NALF1: variants seen among roughly 807,000 people sequenced by gnomAD.
The protein encoded by NALF1 is family with sequence similarity 155 member A.
A neutral mutation model predicts 48.4 loss-of-function variants in NALF1; 3 were observed. The ratio of observed to expected loss-of-function variants is 0.06; its 90% CI spans 0.03 to 0.16. NALF1 has a LOEUF of 0.16. Ranked by LOEUF, NALF1 falls within the 10% of genes least tolerant of loss-of-function variation. The probability of loss-of-function intolerance (pLI) is 1.00; values close to 1 mark genes in which losing one functional copy is unlikely to be tolerated. For missense variants in NALF1, 526 were observed against 571.5 expected (o/e 0.92, Z 0.81); for synonymous variants, 262 against 245.7 (o/e 1.07, Z -0.62).
intron 1 of NALF1, among the ~76,000 whole-genome samples, chr13:107,656,479 A>T (rs1880579524): frequency 6.6e-6 from 1 of 152,188 alleles, no homozygotes; most frequent in Non-Finnish European, 1.5e-5. Flanking sequence ...CTTCTGCAAG[A>T]ATGGCCATAA....
At chr13:107,489,279 G>C (rs907888493) in intron 1 of NALF1, among the ~76,000 whole-genome samples, 5 of 152,128 alleles carry the variant, frequency 3.3e-5, no homozygotes, top group African/African-American at 1.2e-4. Context: ...AGAGAAAACT[G>C]TTTTAAAATT....
intron 1 of NALF1, among the ~76,000 whole-genome samples, chr13:107,795,815 T>C (rs1878405643): frequency 6.6e-6 from 1 of 152,188 alleles, no homozygotes; most frequent in Non-Finnish European, 1.5e-5. Flanking sequence ...AAGAAATTAT[T>C]CTTCTCTAGT....
intron 1 of NALF1, among the ~76,000 whole-genome samples, chr13:107,464,671 C>A (rs540122485): frequency 1.2e-4 from 18 of 152,236 alleles, no homozygotes; most frequent in African/African-American, 3.6e-4. Flanking sequence ...CAGGCATGAA[C>A]AGCTACGCCT....
intron 1 of NALF1, among the ~76,000 whole-genome samples, chr13:107,766,581 G>A (rs1242234705): frequency 6.6e-6 from 1 of 152,154 alleles, no homozygotes; most frequent in Non-Finnish European, 1.5e-5. Context: ...ACATATTTAA[G>A]CAGATGGGCT....
At chr13:107,295,187 G>T (rs1230144331) in intron 1 of NALF1, among the ~76,000 whole-genome samples, 1 of 152,032 alleles carries the variant, frequency 6.6e-6, no homozygotes, top group Non-Finnish European at 1.5e-5. Context: ...GCCCATCTTT[G>T]TGTCCAGGTG....
chr13:107,476,750 A>C (rs993971332), intron 1 of NALF1, among the ~76,000 whole-genome samples: 1 of 152,102 alleles, frequency 6.6e-6, no homozygotes, highest in Admixed American at 6.6e-5. Flanking sequence ...TTATATGGGA[A>C]TCCTTAATGG....
At chr13:107,237,249 G>A (rs1880371971) in intron 1 of NALF1, among the ~76,000 whole-genome samples, 2 of 151,966 alleles carry the variant, frequency 1.3e-5, no homozygotes, top group African/African-American at 4.8e-5. Context: ...GAGAAAGTAT[G>A]AAGAAAGTTA....
chr13:107,485,527 C>T (rs1885315987), intron 1 of NALF1, among the ~76,000 whole-genome samples: 1 of 152,170 alleles, frequency 6.6e-6, no homozygotes, highest in Non-Finnish European at 1.5e-5. Context: ...CCCCACATCT[C>T]ATTTACCATC....
intron 1 of NALF1, among the ~76,000 whole-genome samples, chr13:107,652,259 G>A (rs190955557): frequency 3.8e-4 from 58 of 152,168 alleles, no homozygotes; most frequent in African/African-American, 1.4e-3. Context: ...TGAGTTGTGT[G>A]CAATTACACT....
chr13:107,204,932 A>G (rs1033891240), intron 2 of NALF1, among the ~76,000 whole-genome samples: 2 of 152,154 alleles, frequency 1.3e-5, no homozygotes, highest in Non-Finnish European at 2.9e-5. Context: ...AAACGGCATA[A>G]ATGTTCAAAT....
At chr13:107,370,664 G>A (rs1432300396) in intron 1 of NALF1, among the ~76,000 whole-genome samples, 1 of 152,076 alleles carries the variant, frequency 6.6e-6, no homozygotes, top group Non-Finnish European at 1.5e-5. Context: ...AGGGTATACT[G>A]GAAAGCAAAA....
rs535695444 is a variant in NALF1 at position 107,437,283 on chromosome 13, A to G, written c.916-226528T>C. On this transcript the variant is annotated intron_variant, in intron 1 of 2. Coordinates refer to ENST00000375915, the MANE Select transcript of NALF1 (RefSeq NM_001080396.3). ...TGCAGGGGTACACTGACTATCCTGT[A>G]TTGTTGGTAGGGTAAAATAGTCCGA... 2.6e-5 allele frequency among the ~76,000 whole-genome samples: 4 copies of G among 152,314 alleles called. No homozygotes were observed. The South Asian group carries it at 6.2e-4, about 24-fold the overall frequency.
intron 1 of NALF1, among the ~76,000 whole-genome samples, chr13:107,463,279 T>C (rs1289386493): frequency 6.6e-6 from 1 of 152,334 alleles, no homozygotes; most frequent in East Asian, 1.9e-4. Context: ...GAATCACACA[T>C]AGATTAAAGA....
At chr13:107,646,941 C>T (rs1880329393) in intron 1 of NALF1, among the ~76,000 whole-genome samples, 1 of 151,904 alleles carries the variant, frequency 6.6e-6, no homozygotes, top group Non-Finnish European at 1.5e-5. Flanking sequence ...GACATCACAT[C>T]AAAAATTAAA....
chr13:107,191,670 A>ATT (rs71204820), intron 2 of NALF1, among the ~76,000 whole-genome samples: 24 of 142,068 alleles, frequency 1.7e-4, no homozygotes, highest in South Asian at 2.3e-4. Flanking sequence ...AAAATTCTTA[A>ATT]TTTTTTTTTT....
At chr13:107,415,904 C>T (rs1370771929) in intron 1 of NALF1, among the ~76,000 whole-genome samples, 6 of 152,174 alleles carry the variant, frequency 3.9e-5, no homozygotes, top group Admixed American at 6.5e-5. Context: ...ACATGTAAGA[C>T]CTTCTGCTCG....
chr13:107,662,390 G>A (rs1348078792), intron 1 of NALF1, among the ~76,000 whole-genome samples: 1 of 152,184 alleles, frequency 6.6e-6, no homozygotes, highest in Non-Finnish European at 1.5e-5. Flanking sequence ...TCATCTACCA[G>A]CTTCCACATT....
intron 1 of NALF1, among the ~76,000 whole-genome samples, chr13:107,594,336 CATAA>C (rs1376447896): frequency 3.3e-5 from 5 of 151,992 alleles, no homozygotes; most frequent in Admixed American, 1.3e-4. Context: ...ATGAATAACA[CATAA>C]ATAAATGCTT....
intron 2 of NALF1, among the ~76,000 whole-genome samples, chr13:107,186,645 T>G (rs1413299516): frequency 6.6e-6 from 1 of 152,176 alleles, no homozygotes; most frequent in Non-Finnish European, 1.5e-5. Flanking sequence ...GGATTATAGG[T>G]GTGAGCCACC....
Sources: allele counts gnomAD v4.1 joint callset (sites outside exome capture counted in the v4.1 genomes callset), GRCh38; gene constraint gnomAD v4.1.1; transcripts MANE v1.5; gene names NCBI Gene and HGNC (gene_info 2026-07-23, HGNC 2026-07-21).